RANBP2: variants seen among roughly 807,000 people sequenced by gnomAD.
RANBP2 encodes RAN binding protein 2.
In RANBP2, 57 loss-of-function variants were observed where a neutral mutation model predicts 303.6. That is an observed-to-expected ratio of 0.19 (90% CI 0.15 to 0.23). RANBP2 has a LOEUF of 0.23. Among genes scored for constraint, RANBP2 ranks in the 10% least tolerant of loss-of-function variants. The pLI, the probability that RANBP2 is intolerant of heterozygous loss-of-function variation, is 1.00. For synonymous variants in RANBP2, 1,167 were observed against 1,301.5 expected, an observed-to-expected ratio of 0.90 and a Z score of 2.23; for missense variants, 3,138 against 3,780.8, an observed-to-expected ratio of 0.83 and a Z score of 4.46.
chr2:108,791,473 A>G, the RANBP2 span: 2 of 589,048 alleles, frequency 3.4e-6, no homozygotes, highest in Non-Finnish European at 6.2e-6. Context: ...AATGTGTAGA[A>G]AAAGATGCTT....
At chr2:109,281,200 C>T in the RANBP2 span, among the ~76,000 whole-genome samples, 3 of 152,354 alleles carry the variant, frequency 2.0e-5, no homozygotes, top group South Asian at 2.1e-4. Context: ...GTCCCTCCTG[C>T]GACCCCAGCT....
the RANBP2 span, among the ~76,000 whole-genome samples, chr2:109,712,795 T>C: frequency 1.1e-3 from 164 of 152,330 alleles, no homozygotes; most frequent in Admixed American, 5.6e-3. Context: ...CGATTCATGA[T>C]TACATACTCA....
the RANBP2 span, among the ~76,000 whole-genome samples, chr2:109,555,556 T>C: frequency 6.6e-6 from 1 of 152,208 alleles, no homozygotes; most frequent in South Asian, 2.1e-4. Flanking sequence ...ACTATTCTCA[T>C]AAATGCAGAA....
At chr2:108,822,206 G>A in the RANBP2 span, among the ~76,000 whole-genome samples, 2 of 152,022 alleles carry the variant, frequency 1.3e-5, no homozygotes, top group Non-Finnish European at 2.9e-5. Context: ...ACTGTTACAA[G>A]AGACAAAGGA....
the RANBP2 span, among the ~76,000 whole-genome samples, chr2:109,039,975 A>G: frequency 6.8e-3 from 1,034 of 152,274 alleles, 6 homozygotes; most frequent in East Asian, 0.035. Flanking sequence ...TAATTTTAAT[A>G]TGGTCTAATT....
chr2:108,965,712 G>A, the RANBP2 span, among the ~76,000 whole-genome samples: 4 of 152,118 alleles, frequency 2.6e-5, no homozygotes, highest in East Asian at 7.8e-4. Flanking sequence ...GTAGTAATTG[G>A]GGTTTGATGT....
the RANBP2 span, among the ~76,000 whole-genome samples, chr2:109,622,775 G>A: frequency 2.6e-5 from 4 of 152,122 alleles, no homozygotes; most frequent in South Asian, 4.1e-4. Context: ...CCAGCAACAC[G>A]GCATCTGGTT....
At chr2:109,705,095 AAATAAAT>A in the RANBP2 span, among the ~76,000 whole-genome samples, 1 of 151,062 alleles carries the variant, frequency 6.6e-6, no homozygotes, top group African/African-American at 2.4e-5. Context: ...ATAAATAAAT[AAATAAAT>A]AAATAAATAA....
At chr2:108,923,892 G>C in the RANBP2 span, among the ~76,000 whole-genome samples, 3 of 152,216 alleles carry the variant, frequency 2.0e-5, no homozygotes, top group African/African-American at 7.2e-5. Context: ...TGGGATTATA[G>C]GCATCAGTGT....
the RANBP2 span, among the ~76,000 whole-genome samples, chr2:108,831,165 C>T: frequency 2.6e-5 from 4 of 151,322 alleles, no homozygotes; most frequent in East Asian, 1.9e-4. Flanking sequence ...AGTTATAGAG[C>T]GGGACTCTGT....
At chr2:108,760,347 TG>T (rs1288575990) in intron 18 of RANBP2, among the ~76,000 whole-genome samples, 3 of 152,150 alleles carry the variant, frequency 2.0e-5, no homozygotes, top group African/African-American at 7.2e-5. Flanking sequence ...GTTTTTTAAA[TG>T]TTACTTTAGT....
chr2:109,400,587 AC>A, the RANBP2 span, among the ~76,000 whole-genome samples: 1 of 151,642 alleles, frequency 6.6e-6, no homozygotes, highest in African/African-American at 2.4e-5. Flanking sequence ...ACACACACAC[AC>A]ACTTGTGAAC....
the RANBP2 span, among the ~76,000 whole-genome samples, chr2:109,005,411 T>A: frequency 3.9e-5 from 6 of 152,136 alleles, no homozygotes; most frequent in African/African-American, 1.4e-4. Flanking sequence ...TTTCCAGAAC[T>A]CCCCAAACTG....
the RANBP2 span, among the ~76,000 whole-genome samples, chr2:109,141,166 T>G: frequency 6.6e-6 from 1 of 152,150 alleles, no homozygotes; most frequent in African/African-American, 2.4e-5. Flanking sequence ...TTTCTGCGGA[T>G]TCCTCTCTTT....
chr2:109,361,744 A>T, the RANBP2 span, among the ~76,000 whole-genome samples: 2 of 152,126 alleles, frequency 1.3e-5, no homozygotes, highest in South Asian at 4.1e-4. Flanking sequence ...CCAAAGTGTT[A>T]TTCAGTTTCT....
the RANBP2 span, among the ~76,000 whole-genome samples, chr2:108,911,333 G>A: frequency 6.6e-6 from 1 of 152,162 alleles, no homozygotes; most frequent in South Asian, 2.1e-4. Flanking sequence ...TGTTCCTAGG[G>A]AGTTTGCTCT....
the RANBP2 span, among the ~76,000 whole-genome samples, chr2:109,213,883 T>C: frequency 6.6e-6 from 1 of 152,214 alleles, no homozygotes; most frequent in Non-Finnish European, 1.5e-5. Flanking sequence ...CCCAAGCCCA[T>C]GAGGCAAAGC....
chr2:109,259,300 G>A, the RANBP2 span, among the ~76,000 whole-genome samples: 1 of 152,214 alleles, frequency 6.6e-6, no homozygotes, highest in East Asian at 1.9e-4. Context: ...CTCTGAGTGT[G>A]CAGAGGCCTG....
chr2:108,884,883 A>G, the RANBP2 span: 21 of 151,144 alleles, frequency 1.4e-4, no homozygotes, highest in Middle Eastern at 6.8e-3. Context: ...TCGTTGAAAC[A>G]CCTCTGCTCT....
Sources: allele counts gnomAD v4.1 joint callset (sites outside exome capture counted in the v4.1 genomes callset), GRCh38; gene constraint gnomAD v4.1.1; transcripts MANE v1.5; gene names NCBI Gene and HGNC (gene_info 2026-07-23, HGNC 2026-07-21).